The following LAMC3 variants were observed in gnomAD, a reference collection of about 807,000 sequenced individuals.
The protein encoded by LAMC3 is laminin subunit gamma-3.
LAMC3 carries 128 observed loss-of-function variants against 173.8 expected under a neutral mutation model. The observed-to-expected ratio is 0.74, with a 90% CI of 0.64 to 0.85. LAMC3 has a LOEUF of 0.85. LAMC3 is among the 40% of genes least tolerant of loss of function. The pLI is 0.00. For missense variants in LAMC3, 2,022 were observed against 2,156.0 expected (o/e 0.94, Z 1.23); for synonymous variants, 897 against 909.1 (o/e 0.99, Z 0.24).
In LAMC3 at chr9:131,088,389, A is replaced by T. The variant is rs141211242; in HGVS notation, c.4477+572A>T. Among the ~76,000 whole-genome samples the T allele has an allele frequency of 3.1e-4, 47 of 152,180 alleles. No homozygotes were observed. In the East Asian group the frequency reaches 8.3e-3, roughly 27 times the overall value. ...CGGTGCGTGGTGTATGTTGAGAGTG[A>T]GTAAATAGCGGCTCGTAGGAAGGAG... On this transcript the variant is annotated intron_variant, in intron 27 of 27. Coordinates refer to ENST00000361069, the MANE Select transcript of LAMC3 (RefSeq NM_006059.4).
chr9:131,013,638 G>GC (rs956816569), intron 1 of LAMC3, among the ~76,000 whole-genome samples: 4 of 152,184 alleles, frequency 2.6e-5, no homozygotes, highest in Admixed American at 2.6e-4. Context: ...CTCAGAACAT[G>GC]CACTGGTGCG....
In LAMC3 at chr9:131,087,818, G is replaced by A. The variant is rs1379891206; in HGVS notation, c.4477+1G>A. ...TTGTCAGAGCTGCTTGCCAGGCTGG[G>A]TAAGGAGGCCCTAAGGCTGGGCCCT... On this transcript the variant is annotated splice_donor_variant, in intron 27 of 27. Transcript: ENST00000361069. LOFTEE classifies it high-confidence loss of function. 1.2e-5 allele frequency: 19 copies of A among 1,613,730 alleles called. No homozygotes were observed. Among genetic ancestry groups the A allele is most frequent in the Non-Finnish European group, 1.6e-5 (19 of 1,179,816 alleles).
chr9:131,045,456 T>G (rs1016103832), intron 7 of LAMC3, 68 bp from the exon 8 acceptor site: 12 of 1,585,832 alleles, frequency 7.6e-6, no homozygotes, highest in Non-Finnish European at 9.5e-6. Flanking sequence ...CCAGCTGGGA[T>G]ACCCTGGCCC....
In LAMC3 at chr9:131,019,611, C is replaced by T. The variant is rs535657352; in HGVS notation, c.374-6674C>T. On this transcript the variant is annotated intron_variant, in intron 1 of 27. Coordinates refer to ENST00000361069, the MANE Select transcript of LAMC3 (RefSeq NM_006059.4). ...CACGTGCTTTGCCAAGTACTTTACT[C>T]ACACTGTATGGCTGAGATCCCCAAA... 2.8e-4 allele frequency among the ~76,000 whole-genome samples: 43 copies of T among 152,328 alleles called. No homozygotes were observed. The South Asian group carries it at 5.0e-3, about 18-fold the overall frequency.
chr9:131,071,736 A>G lies in LAMC3; in HGVS notation c.3211+111A>G, dbSNP rs994148055. 1.4e-5 allele frequency: 16 copies of G among 1,157,716 alleles called. No individual in the cohort carries two copies. The South Asian group carries it at 2.1e-4, about 15-fold the overall frequency. The allele number at this position is 1,157,716 out of a possible 1,614,324, so 71.7% of individuals were successfully genotyped here. ...GCCCTCCCAAAACAGCCCTGTTGCC[A>G]TGGGCCTTTACTTCCCTAGCCCACC... is the stretch of plus-strand genomic sequence containing the variant. On this transcript the variant is annotated intron_variant, in intron 18 of 27. Coordinates refer to ENST00000361069, the MANE Select transcript of LAMC3 (RefSeq NM_006059.4).
intron 2 of LAMC3, among the ~76,000 whole-genome samples, chr9:131,028,295 T>C (rs1024557459): frequency 1.3e-5 from 2 of 152,180 alleles, no homozygotes; most frequent in Admixed American, 6.5e-5. Flanking sequence ...AACCTCTTCC[T>C]GGTGCCGAAA....
chr9:131,090,166 G>A (rs527559411), intron 27 of LAMC3, among the ~76,000 whole-genome samples: 5 of 152,248 alleles, frequency 3.3e-5, no homozygotes, highest in South Asian at 2.1e-4. Context: ...GCTCACCTGC[G>A]GGTCCAAGTG....
At position 131,089,314 on chromosome 9, in the gene LAMC3, T is replaced by TA. The variant is rs1243944155; in HGVS notation, c.4477+1509dup. ...CGTTGTGCACATGTACCCTATAACT[T>TA]AAAAAAAAAAAAGAATTTGACTACT... is the stretch of plus-strand genomic sequence containing the variant. On this transcript the variant is annotated intron_variant, in intron 27 of 27. Coordinates refer to ENST00000361069, the MANE Select transcript of LAMC3 (RefSeq NM_006059.4). Among the ~76,000 whole-genome samples, 189 of 144,588 alleles carry TA rather than the reference T, an allele frequency of 1.3e-3. 1 individual carries two copies. The highest frequency in any genetic ancestry group is 2.7e-3 in the African/African-American group (108 of 39,628). The allele number at this position is 144,588 out of a possible 152,430, so 94.9% of individuals were successfully genotyped here.
chr9:131,012,553 A>G (rs1833439185), intron 1 of LAMC3, among the ~76,000 whole-genome samples: 1 of 152,206 alleles, frequency 6.6e-6, no homozygotes, highest in South Asian at 2.1e-4. Flanking sequence ...CTGTTTACGC[A>G]CAAGGGGCGC....
At position 131,092,789 on chromosome 9, in the gene LAMC3, G is replaced by A. The variant is rs528262546; in HGVS notation, c.*1002G>A. 6.6e-6 allele frequency: 1 copy of A among 152,468 alleles called. No individual in the cohort carries two copies. Among genetic ancestry groups the A allele is most frequent in the Admixed American group, 6.5e-5 (1 of 15,304 alleles). 9.4% of individuals were successfully genotyped at this position (152,468 alleles called of 1,614,324 possible). A position where few individuals can be genotyped will look rare whatever the true frequency, so the allele number is the denominator to read the frequency against. On this transcript the variant is annotated 3_prime_UTR_variant, in exon 28 of 28. Coordinates refer to ENST00000361069, the MANE Select transcript of LAMC3 (RefSeq NM_006059.4). The stretch of plus-strand genomic sequence containing the variant: ...TGCGGGAGGCCACCAGGGTGTGCAA[G>A]CCTGGCTGCCATTCCAGTCTGTCCT...
At position 131,072,612 on chromosome 9, in the gene LAMC3, G is replaced by A. The variant is rs1332096972; in HGVS notation, c.3212-18G>A. ...ATCTCCACCACTTTGTGACCCCTGG[G>A]CTGTGGGCTTCCCATAGGGGCTCGG... On this transcript the variant is annotated intron_variant, in intron 18 of 27. Transcript: ENST00000361069. 6.2e-7 allele frequency: 1 copy of A among 1,600,432 alleles called. No individual in the cohort carries two copies. Among genetic ancestry groups the A allele is most frequent in the East Asian group, 2.2e-5 (1 of 44,622 alleles).
chr9:131,085,909 C>T (rs1221639544), intron 25 of LAMC3, 186 bp downstream of exon 25: 15 of 681,702 alleles, frequency 2.2e-5, no homozygotes, highest in Non-Finnish European at 3.0e-5. Context: ...GGTGTCATTG[C>T]TGTCCCCATT....
chr9:131,016,502 A>G (rs1833521594), intron 1 of LAMC3, among the ~76,000 whole-genome samples: 1 of 152,268 alleles, frequency 6.6e-6, no homozygotes, highest in South Asian at 2.1e-4. Flanking sequence ...GCCTTTGGCA[A>G]AGGAATCCTA....
intron 7 of LAMC3, among the ~76,000 whole-genome samples, chr9:131,043,960 CTT>C (rs71389386): frequency 5.0e-4 from 67 of 133,994 alleles, no homozygotes; most frequent in African/African-American, 1.4e-3. Flanking sequence ...TGACTTGCTG[CTT>C]TTTTTTTTTT....
chr9:131,090,207 G>A (rs1194156948), intron 27 of LAMC3, among the ~76,000 whole-genome samples: 3 of 152,150 alleles, frequency 2.0e-5, no homozygotes, highest in Admixed American at 1.3e-4. Context: ...GCCACTAGTC[G>A]ACACCTAAGG....
At chr9:131,023,327 T>C (rs1375477090) in intron 1 of LAMC3, among the ~76,000 whole-genome samples, 1 of 152,224 alleles carries the variant, frequency 6.6e-6, no homozygotes, top group Non-Finnish European at 1.5e-5. Flanking sequence ...GATAACCCTG[T>C]GTCTAACATT....
intron 6 of LAMC3, 79 bp from the exon 7 acceptor site, chr9:131,041,558 A>G: frequency 7.9e-7 from 1 of 1,264,294 alleles, no homozygotes; most frequent in Non-Finnish European, 1.1e-6. Context: ...CAGCAGGGAA[A>G]GCTCCCTTCC....
intron 1 of LAMC3, among the ~76,000 whole-genome samples, chr9:131,015,567 G>T (rs1029459298): frequency 1.3e-5 from 2 of 152,188 alleles, no homozygotes; most frequent in African/African-American, 2.4e-5. Flanking sequence ...TTGAGCAGCC[G>T]CCTTGACACC....
In LAMC3 at chr9:131,092,597, C is replaced by G. The variant is rs1001305088; in HGVS notation, c.*810C>G. ...GCACCAGATGCCCTGAGGGAATGGC[C>G]CACCCTGGCCTGTACCCACTTCAGC... On this transcript the variant is annotated 3_prime_UTR_variant, in exon 28 of 28. Transcript: ENST00000361069. The G allele has an allele frequency of 1.3e-5, 2 of 152,416 alleles. No homozygotes were observed. The highest frequency in any genetic ancestry group is 2.9e-5 in the Non-Finnish European group (2 of 68,214). 9.4% of individuals were successfully genotyped at this position (152,416 alleles called of 1,614,324 possible).
Sources: allele counts gnomAD v4.1 joint callset (sites outside exome capture counted in the v4.1 genomes callset), GRCh38; gene constraint gnomAD v4.1.1; transcripts MANE v1.5; gene names NCBI Gene and HGNC (gene_info 2026-07-23, HGNC 2026-07-21).